ITPR1: variants seen among roughly 807,000 people sequenced by gnomAD.
ITPR1 encodes inositol 1,4,5-trisphosphate receptor type 1.
A neutral mutation model predicts 318.4 loss-of-function variants in ITPR1; 96 were observed. That is an observed-to-expected ratio of 0.30 (90% CI 0.26 to 0.36). The LOEUF is 0.36. Ranked by LOEUF, ITPR1 falls within the 10% of genes least tolerant of loss-of-function variation. The probability of loss-of-function intolerance (pLI) is 1.00; values close to 1 mark genes in which losing one functional copy is unlikely to be tolerated. For missense variants in ITPR1, 2,440 were observed against 3,460.2 expected (o/e 0.71, Z 7.40); for synonymous variants, 1,312 against 1,289.9 (o/e 1.02, Z -0.37).
At chr3:4,755,969 G>A (rs1477708365) in intron 44 of ITPR1, among the ~76,000 whole-genome samples, 2 of 152,214 alleles carry the variant, frequency 1.3e-5, no homozygotes, top group African/African-American at 4.8e-5. Context: ...CCTGAGAGAG[G>A]CTGGTAAACT....
At chr3:4,546,767 T>C (rs1337577790) in intron 4 of ITPR1, among the ~76,000 whole-genome samples, 1 of 151,700 alleles carries the variant, frequency 6.6e-6, no homozygotes, top group Non-Finnish European at 1.5e-5. Flanking sequence ...GACCTTTTTT[T>C]TTTTTTTTTT....
chr3:4,749,791 G>C (rs1214156262), intron 44 of ITPR1: 1 of 152,652 alleles, frequency 6.6e-6, no homozygotes, highest in Admixed American at 6.5e-5. Context: ...CAAAATCATG[G>C]AGCTCAGCAG....
At chr3:4,758,620 C>T (rs2045198571) in intron 44 of ITPR1, among the ~76,000 whole-genome samples, 1 of 152,212 alleles carries the variant, frequency 6.6e-6, no homozygotes. Context: ...CTCCTATTCT[C>T]CTCCCCAGGA....
At chr3:4,844,649 G>T (rs114104713) in intron 61 of ITPR1, among the ~76,000 whole-genome samples, 1,844 of 152,310 alleles carry the variant, frequency 0.012, 34 homozygotes, top group African/African-American at 0.042. Flanking sequence ...TTCCTGAGCC[G>T]AATCTGTGGA....
intron 53 of ITPR1, among the ~76,000 whole-genome samples, 185 bp downstream of exon 53, chr3:4,795,372 CT>C (rs1297565889): frequency 1.3e-5 from 2 of 152,242 alleles, no homozygotes; most frequent in East Asian, 3.9e-4. Context: ...AATAATTTAA[CT>C]TTTTTATCCA....
chr3:4,635,622 G>A (rs926835306), intron 5 of ITPR1, among the ~76,000 whole-genome samples: 1 of 152,122 alleles, frequency 6.6e-6, no homozygotes, highest in Non-Finnish European at 1.5e-5. Context: ...TGGGATTACA[G>A]GCATGAGCCA....
At position 4,768,569 on chromosome 3, in the gene ITPR1, C is replaced by T. The variant is rs553415592; in HGVS notation, c.5784C>T (p.Ser1928=). 1.4e-5 allele frequency: 22 copies of T among 1,613,900 alleles called. No individual in the cohort carries two copies. The highest frequency in any genetic ancestry group is 8.3e-5 in the Admixed American group (5 of 60,018). ...TCCGGGATCAGCTCCTGGAGGCCTC[C>T]GCTGCCACCAGGAAAGCCTTCACCA... ...EEVRDQLLEA[S]AATRKAFTTF... The change falls in exon 46 of 62, where the codon TCC becomes TCT. Residue 1928 remains serine, a synonymous_variant. Transcript: ENST00000649015.
chr3:4,501,284 T>C (rs1026276339), intron 2 of ITPR1, among the ~76,000 whole-genome samples: 18 of 152,134 alleles, frequency 1.2e-4, no homozygotes, highest in Non-Finnish European at 1.8e-4. Context: ...ACAATGAACA[T>C]TGGGTTGTAA....
intron 59 of ITPR1, 86 bp from the exon 60 acceptor site, chr3:4,817,996 C>T (rs1442457490): frequency 8.9e-7 from 1 of 1,121,310 alleles, no homozygotes; most frequent in African/African-American, 1.6e-5. Context: ...ACCACAGCCC[C>T]CTTTCTACTG....
At chr3:4,596,821 C>T (rs991020968) in intron 4 of ITPR1, among the ~76,000 whole-genome samples, 1 of 152,140 alleles carries the variant, frequency 6.6e-6, no homozygotes, top group Non-Finnish European at 1.5e-5. Flanking sequence ...GATGTCACTC[C>T]CTGGGGGAAT....
intron 49 of ITPR1, among the ~76,000 whole-genome samples, chr3:4,780,945 T>G (rs1187385209): frequency 6.6e-6 from 1 of 152,188 alleles, no homozygotes; most frequent in Non-Finnish European, 1.5e-5. Flanking sequence ...CCCCCGGTGG[T>G]TGGAGAACAT....
In ITPR1 at chr3:4,699,985, T is replaced by A. The variant is rs1445655030; in HGVS notation, c.4536+44T>A. The A allele has an allele frequency of 2.5e-6, 4 of 1,583,210 alleles. No homozygotes were observed. The East Asian group carries it at 9.0e-5, about 36-fold the overall frequency. On this transcript the variant is annotated intron_variant, in intron 35 of 61. Coordinates refer to ENST00000649015, the MANE Select transcript of ITPR1 (RefSeq NM_001378452.1). ...CAAGCAGAATGTTCACGATACACCT[T>A]CTGCAGTTGGGCTTGATGTGAATTT...
intron 4 of ITPR1, among the ~76,000 whole-genome samples, chr3:4,591,068 T>C (rs2090360787): frequency 6.6e-6 from 1 of 152,266 alleles, no homozygotes; most frequent in African/African-American, 2.4e-5. Flanking sequence ...CATTCTTTTT[T>C]ATGGCTGCAT....
intron 4 of ITPR1, among the ~76,000 whole-genome samples, chr3:4,553,517 A>G (rs751030124): frequency 3.3e-5 from 5 of 150,480 alleles, no homozygotes; most frequent in Admixed American, 6.6e-5. Flanking sequence ...TGTAACCTCT[A>G]CCTCCTGGGC....
chr3:4,708,266 C>G (rs1338118586), intron 37 of ITPR1, among the ~76,000 whole-genome samples: 1 of 152,094 alleles, frequency 6.6e-6, no homozygotes, highest in Non-Finnish European at 1.5e-5. Flanking sequence ...TTAGCGTCTA[C>G]CAAGAGATCT....
At chr3:4,689,848 C>T (rs935662002) in intron 31 of ITPR1, among the ~76,000 whole-genome samples, 6 of 152,058 alleles carry the variant, frequency 3.9e-5, no homozygotes, top group East Asian at 1.9e-4. Flanking sequence ...TCTGTTTGTC[C>T]GCTGACACCA....
At chr3:4,818,543 C>T (rs192892175) in intron 60 of ITPR1, among the ~76,000 whole-genome samples, 20 of 152,230 alleles carry the variant, frequency 1.3e-4, no homozygotes, top group Non-Finnish European at 2.8e-4. Context: ...CTCCATAGCC[C>T]GATTTCCTGT....
At chr3:4,811,842 A>G (rs528425818) in intron 56 of ITPR1, among the ~76,000 whole-genome samples, 1 of 152,204 alleles carries the variant, frequency 6.6e-6, no homozygotes, top group Non-Finnish European at 1.5e-5. Flanking sequence ...AGAAACAGAC[A>G]TATATGGGAG....
At chr3:4,605,552 GAT>G (rs1034339805) in intron 4 of ITPR1, among the ~76,000 whole-genome samples, 5 of 152,182 alleles carry the variant, frequency 3.3e-5, no homozygotes, top group African/African-American at 7.2e-5. Context: ...ATACGGGCAT[GAT>G]ATATGTGACT....
Sources: gnomAD v4.1 joint callset for allele counts (sites outside exome capture counted in the v4.1 genomes callset) on GRCh38, gnomAD v4.1.1 for gene constraint, MANE v1.5 for transcripts, NCBI Gene and HGNC (gene_info 2026-07-23, HGNC 2026-07-21) for gene names.